Variants in SPG7 observed in about 807,000 individuals in gnomAD.
SPG7 encodes the protein SPG7 matrix AAA peptidase subunit, paraplegin.
In SPG7, 103 loss-of-function variants were observed where a neutral mutation model predicts 81.9. The observed-to-expected ratio is 1.26, with a 90% confidence interval of 1.07 to 1.48. SPG7 has a LOEUF of 1.48. Among genes scored for constraint, SPG7 ranks in the 40% most tolerant of loss-of-function variants. SPG7 has a pLI of 0.00. For synonymous variants in SPG7, 534 were observed against 444.2 expected (o/e 1.20, Z -2.54); for missense variants, 1,241 against 1,087.3 (o/e 1.14, Z -1.99).
chr16:89,544,517 C>T (rs1003457550), intron 9 of SPG7, 131 bp from the exon 10 acceptor site: 29 of 1,040,270 alleles, frequency 2.8e-5, no homozygotes, highest in African/African-American at 1.3e-4. Context: ...TCAGAAGGAC[C>T]GGGCTGTTCC....
At chr16:89,522,013 G>A (rs575469229) in intron 3 of SPG7, 1 of 152,286 alleles carries the variant, frequency 6.6e-6, no homozygotes, top group African/African-American at 2.4e-5. Context: ...CATGTTTCTA[G>A]TAGAAAACAC....
chr16:89,543,028 AG>A (rs1000712480), intron 9 of SPG7: 1 of 143,200 alleles, frequency 7.0e-6, no homozygotes, highest in Admixed American at 7.4e-5. Context: ...GCTCCCTGCA[AG>A]CTCCACCCTT....
chr16:89,553,610 T>TAGA, intron 14 of SPG7, 184 bp from the exon 15 acceptor site: 2 of 616,260 alleles, frequency 3.2e-6, no homozygotes, highest in Non-Finnish European at 5.7e-6. Context: ...CGGAAAGTTT[T>TAGA]AAGACTCTCT....
At chr16:89,514,111 AGGT>A (rs898948755) in intron 3 of SPG7, among the ~76,000 whole-genome samples, 3 of 152,074 alleles carry the variant, frequency 2.0e-5, no homozygotes, top group African/African-American at 7.2e-5. Flanking sequence ...AGTGTTTCGC[AGGT>A]GGATTCAGTT....
chr16:89,523,037 C>G, intron 3 of SPG7: 1 of 155,022 alleles, frequency 6.5e-6, no homozygotes, highest in South Asian at 2.0e-4. Flanking sequence ...TGTCCACCTC[C>G]CCTCGAGGTA....
chr16:89,546,249 G>T, intron 10 of SPG7: 1 of 314,334 alleles, frequency 3.2e-6, no homozygotes, highest in Non-Finnish European at 6.2e-6. Context: ...GTCTTGCCTG[G>T]CTAATTTTTG....
chr16:89,536,906 A>G (rs767997352), intron 9 of SPG7: 6 of 1,614,044 alleles, frequency 3.7e-6, no homozygotes, highest in Non-Finnish European at 5.1e-6. Flanking sequence ...TGCCTTTTGC[A>G]CTGAAGATAG....
intron 6 of SPG7, 112 bp downstream of exon 6, chr16:89,529,691 C>T (rs896720900): frequency 1.6e-5 from 13 of 814,352 alleles, no homozygotes; most frequent in Middle Eastern, 2.4e-4. Context: ...CAGAGAGTAG[C>T]CTGAAGCCAC....
intron 9 of SPG7, among the ~76,000 whole-genome samples, chr16:89,534,137 A>C (rs766070582): frequency 1.1e-4 from 16 of 152,194 alleles, no homozygotes; most frequent in Admixed American, 2.0e-4. Context: ...CTTCAAACCG[A>C]AAACCTGTCC....
intron 3 of SPG7, chr16:89,521,930 G>A (rs1301166271): frequency 6.6e-6 from 1 of 152,028 alleles, no homozygotes; most frequent in Non-Finnish European, 1.5e-5. Flanking sequence ...AGTGTGGGTC[G>A]TGATTCTGGA....
chr16:89,546,103 T>G (rs72805524), intron 10 of SPG7: 15,985 of 294,580 alleles, frequency 0.054, 671 homozygotes, highest in East Asian at 0.15. Context: ...TTTTTTTTTT[T>G]TTTGAGACAG....
Position 89,524,230 on chromosome 16 carries a change from G to A in SPG7, c.601G>A (p.Val201Met), listed in dbSNP as rs775545751. Residue 201 changes from valine to methionine, a missense_variant, in exon 4 of 17, where the codon GTG (valine) becomes ATG (methionine). Coordinates refer to ENST00000645818, the MANE Select transcript of SPG7 (RefSeq NM_003119.4). Reference sequence around the variant, plus strand: ...GGAAGTCTACCTGCACCCTGGAGCCGTGGTGTTTGGGCGGCCTGTGAGTGA... The same window carrying A: ...GGAAGTCTACCTGCACCCTGGAGCCATGGTGTTTGGGCGGCCTGTGAGTGA... ...VVEVYLHPGA[V>M]VFGRPRLALM... The A allele has an allele frequency of 3.7e-6, 6 of 1,611,602 alleles. No homozygotes were observed. The highest frequency in any genetic ancestry group is 1.3e-5 in the African/African-American group (1 of 74,872).
intron 16 of SPG7, 48 bp from the exon 17 acceptor site, chr16:89,556,839 C>G (rs377546292): frequency 7.0e-7 from 1 of 1,430,812 alleles, no homozygotes; most frequent in Admixed American, 1.7e-5. Flanking sequence ...CATAGAGATG[C>G]TCTGTCTGCC....
rs148032495 is a variant in SPG7 at position 89,529,540 on chromosome 16, G to C, written c.822G>C (p.Leu274=). ...GLAILWYVFR[L]AGMTGREGGF... ...CCATCCTGTGGTATGTTTTCCGTCTGGCCGGGATGACTGGAAGGGAAGGTG... is the reference window on the plus strand; with the variant it reads ...CCATCCTGTGGTATGTTTTCCGTCTCGCCGGGATGACTGGAAGGGAAGGTG... Residue 274 remains leucine, a synonymous_variant, in exon 6 of 17, where the codon CTG becomes CTC. Transcript: ENST00000645818. 1.4e-4 allele frequency: 222 copies of C among 1,613,936 alleles called. No homozygotes were observed. The highest frequency in any genetic ancestry group is 1.0e-4 in the Non-Finnish European group (120 of 1,179,932).
At chr16:89,530,993 G>A in intron 7 of SPG7, 185 bp downstream of exon 7, 6 of 765,486 alleles carry the variant, frequency 7.8e-6, no homozygotes, top group Non-Finnish European at 1.3e-5. Flanking sequence ...CACAAGCCTC[G>A]TGCACATGGT....
intron 4 of SPG7, 31 bp from the exon 5 acceptor site, chr16:89,526,298 C>G (rs553253266): frequency 1.2e-6 from 2 of 1,613,474 alleles, no homozygotes; most frequent in Admixed American, 3.3e-5. Flanking sequence ...CCCTGCGTTT[C>G]TCATGGTCCC....
At chr16:89,527,823 C>T (rs2058284303) in intron 5 of SPG7, among the ~76,000 whole-genome samples, 1 of 152,104 alleles carries the variant, frequency 6.6e-6, no homozygotes, top group Non-Finnish European at 1.5e-5. Context: ...TAGCCGGGTG[C>T]AGTGGCTATG....
At chr16:89,514,566 T>A (rs1047447508) in intron 3 of SPG7, 13 of 152,088 alleles carry the variant, frequency 8.5e-5, no homozygotes, top group African/African-American at 2.4e-4. Flanking sequence ...AGTGGCACAA[T>A]CTCGGCTCAC....
intron 10 of SPG7, 77 bp from the exon 11 acceptor site, chr16:89,546,581 C>G (rs893943763): frequency 8.4e-5 from 81 of 968,040 alleles, no homozygotes; most frequent in South Asian, 1.9e-4. Flanking sequence ...ACCCCCCCCC[C>G]CCACAGACAA....
Sources: gnomAD v4.1 joint callset for allele counts (sites outside exome capture counted in the v4.1 genomes callset) on GRCh38, gnomAD v4.1.1 for gene constraint, MANE v1.5 for transcripts, NCBI Gene and HGNC (gene_info 2026-07-23, HGNC 2026-07-21) for gene names.